Variants in PLAGL1 observed in about 807,000 individuals in gnomAD.
PLAGL1 encodes zinc finger protein PLAGL1.
In PLAGL1, 1 loss-of-function variant was observed where a neutral mutation model predicts 4.6. That is an observed-to-expected ratio of 0.22 (90% CI 0.08 to 1.03). The LOEUF (loss-of-function observed/expected upper bound fraction) is 1.03, where lower values mean the gene tolerates loss of function less well. Ranked by LOEUF, PLAGL1 falls within the 50% of genes least tolerant of loss-of-function variation. The pLI is 0.58. For synonymous variants in PLAGL1, 240 were observed against 237.8 expected (o/e 1.01, Z -0.08); for missense variants, 464 against 570.4 (o/e 0.81, Z 1.90).
rs1292149938 is a variant in PLAGL1 at position 143,970,608 on chromosome 6, G to C, written c.-543-1630C>G. Among the ~76,000 whole-genome samples, 2 of 152,158 alleles carry C rather than the reference G, an allele frequency of 1.3e-5. No homozygotes were observed. Among genetic ancestry groups the C allele is most frequent in the Non-Finnish European group, 2.9e-5 (2 of 68,032 alleles). On this transcript the variant is annotated intron_variant, in intron 2 of 7. Transcript: ENST00000674357. This position sits in a 1 kb window ranked among gnomAD's most constrained non-coding sequence, Gnocchi z 5.8. ...CTGCTTTATTTGGTCAGTCTGGGTG[G>C]ACGGGAAACTGTCTAAGAGGGAAAT...
rs1361455469 is a variant in PLAGL1, at chr6:143,949,221, C to T, written c.-324-761G>A. Among the ~76,000 whole-genome samples, 1 of 152,216 alleles carries T rather than the reference C, an allele frequency of 6.6e-6. No individual in the cohort carries two copies. The highest frequency in any genetic ancestry group is 1.5e-5 in the Non-Finnish European group (1 of 68,030). The stretch of plus-strand genomic sequence containing the variant: ...CATCCAGCTACCTGCTGGTAGGCCA[C>T]CTCCAGGAGATGGGCCTACTGCCTC... On this transcript the variant is annotated intron_variant, in intron 6 of 7. Transcript: ENST00000674357. This position sits in a 1 kb window ranked among gnomAD's most constrained non-coding sequence, Gnocchi z 5.3.
chr6:144,030,667 G>A (rs544239778), intron 1 of PLAGL1, among the ~76,000 whole-genome samples: 1 of 152,312 alleles, frequency 6.6e-6, no homozygotes, highest in East Asian at 1.9e-4. Flanking sequence ...TGCTGTGAAT[G>A]CCATTACTTC....
At chr6:143,986,493 C>G (rs1789198251) in intron 1 of PLAGL1, among the ~76,000 whole-genome samples, 1 of 152,072 alleles carries the variant, frequency 6.6e-6, no homozygotes, top group Non-Finnish European at 1.5e-5. Context: ...GTCAAGATTA[C>G]TCTTGAAAAA....
In PLAGL1 at chr6:144,055,871, A is replaced by G. The variant is rs1316760784; in HGVS notation, c.-151+8597T>C. 6.6e-6 allele frequency among the ~76,000 whole-genome samples: 1 copy of G among 152,244 alleles called. No individual in the cohort carries two copies. The highest frequency in any genetic ancestry group is 1.9e-4 in the East Asian group (1 of 5,204). The stretch of plus-strand genomic sequence containing the variant: ...GTACTACATTCACACACACAGAGAG[A>G]TTCATGTTCCACCTACATGACAGCC... On this transcript the variant is annotated intron_variant, in intron 1 of 3. Coordinates refer to the PLAGL1 transcript ENST00000437412. This position sits in a 1 kb window ranked among gnomAD's most constrained non-coding sequence, Gnocchi z 5.0.
At chr6:144,052,959 C>G (rs565521329) in intron 1 of PLAGL1, among the ~76,000 whole-genome samples, 6 of 152,234 alleles carry the variant, frequency 3.9e-5, no homozygotes, top group Admixed American at 2.0e-4. Context: ...GTATCATGAA[C>G]TGAGAAGACT....
chr6:144,014,057 A>C (rs1355433632), intron 1 of PLAGL1, among the ~76,000 whole-genome samples: 2 of 152,240 alleles, frequency 1.3e-5, no homozygotes, highest in African/African-American at 2.4e-5. Flanking sequence ...AAGAGAAAAA[A>C]TAATCTTAAA....
rs867908792 is a variant in PLAGL1 at position 144,027,111 on chromosome 6, C to A, written c.-151+37357G>T. On this transcript the variant is annotated intron_variant, in intron 1 of 3. Transcript: ENST00000437412. The surrounding 1 kb of genome is among the most constrained non-coding windows in gnomAD (Gnocchi z 5.8). ...CGGTGGCATGCATCTGTGATCCCAG[C>A]TACTCAGGAGGCTGAGGTGGGAGGA... Among the ~76,000 whole-genome samples, 1 of 151,898 alleles carries A rather than the reference C, an allele frequency of 6.6e-6. No homozygotes were observed. The highest frequency in any genetic ancestry group is 1.5e-5 in the Non-Finnish European group (1 of 67,992).
rs749016258 is a variant in PLAGL1, at chr6:144,015,226, G to A, written c.-150-46248C>T. On this transcript the variant is annotated intron_variant, in intron 1 of 3. Transcript: ENST00000437412. The surrounding 1 kb of genome is among the most constrained non-coding windows in gnomAD (Gnocchi z 4.3). The stretch of plus-strand genomic sequence containing the variant: ...TTAATTTTTATATTGATTACATGTT[G>A]AAATAATATTTTAGATATATTGCAT... Among the ~76,000 whole-genome samples, 6 of 152,098 alleles carry A rather than the reference G, an allele frequency of 3.9e-5. No homozygotes were observed. Among genetic ancestry groups the A allele is most frequent in the Non-Finnish European group, 8.8e-5 (6 of 68,010 alleles).
At position 144,004,074 on chromosome 6, in the gene PLAGL1, A is replaced by T. The variant is rs574170397; in HGVS notation, c.-584+4016T>A. Among the ~76,000 whole-genome samples, 56 of 152,344 alleles carry T rather than the reference A, an allele frequency of 3.7e-4. No individual in the cohort carries two copies. Among genetic ancestry groups the T allele is most frequent in the African/African-American group, 1.2e-3 (50 of 41,586 alleles). On this transcript the variant is annotated intron_variant, in intron 1 of 7. Coordinates refer to ENST00000674357, the MANE Select transcript of PLAGL1 (RefSeq NM_001317162.2). The surrounding 1 kb of genome is among the most constrained non-coding windows in gnomAD (Gnocchi z 4.2). ...GTAATACCGTAGAAGAGGTGTCAATAAATTTTTTTCTGTAAATGGCCACGT... is the reference window on the plus strand; with the variant it reads ...GTAATACCGTAGAAGAGGTGTCAATTAATTTTTTTCTGTAAATGGCCACGT...
In PLAGL1 at chr6:143,998,838, T is replaced by A. The variant is rs190719591; in HGVS notation, c.-584+9252A>T. On this transcript the variant is annotated intron_variant, in intron 1 of 7. Coordinates refer to ENST00000674357, the MANE Select transcript of PLAGL1 (RefSeq NM_001317162.2). ...GAACACAGCTGCAAAAGCAGGAGAG[T>A]GAAACCTTTAGGGGCTGATGCGTGG... Among the ~76,000 whole-genome samples, 445 of 151,556 alleles carry A rather than the reference T, an allele frequency of 2.9e-3. 2 individuals are homozygous for A. The highest frequency in any genetic ancestry group is 0.01 in the African/African-American group (426 of 41,240).
At chr6:144,001,527 A>T (rs1287168861) in intron 1 of PLAGL1, among the ~76,000 whole-genome samples, 3 of 152,116 alleles carry the variant, frequency 2.0e-5, no homozygotes, top group Non-Finnish European at 4.4e-5. Context: ...AGAGAAATAG[A>T]ATATTTGTAC....
Position 143,945,038 on chromosome 6 carries a change from C to T in PLAGL1, c.153-2375G>A, listed in dbSNP as rs1207202538. On this transcript the variant is annotated intron_variant, in intron 7 of 7. Coordinates refer to ENST00000674357, the MANE Select transcript of PLAGL1 (RefSeq NM_001317162.2). This position sits in a 1 kb window ranked among gnomAD's most constrained non-coding sequence, Gnocchi z 4.2. ...CAGTAGTACTTGAGCAAGACCACTG[C>T]CTTCCAGACTTCACTAGCTCCCACA... Among the ~76,000 whole-genome samples the T allele has an allele frequency of 2.0e-5, 3 of 152,108 alleles. No individual in the cohort carries two copies. The highest frequency in any genetic ancestry group is 4.4e-5 in the Non-Finnish European group (3 of 68,038).
In PLAGL1 at chr6:144,006,033, T is replaced by C. The variant is rs1364146699; in HGVS notation, c.-584+2057A>G. The C allele has an allele frequency of 1.3e-5, 2 of 152,170 alleles. No homozygotes were observed. The highest frequency in any genetic ancestry group is 6.5e-5 in the Admixed American group (1 of 15,280). 9.4% of individuals were successfully genotyped at this position (152,170 alleles called of 1,614,324 possible). ...TGTACAAAACATGTAAATGTGACTT[T>C]TGGGAAAGCAAACACACCAAATGAT... is the stretch of plus-strand genomic sequence containing the variant. On this transcript the variant is annotated intron_variant, in intron 1 of 7. Coordinates refer to ENST00000674357, the MANE Select transcript of PLAGL1 (RefSeq NM_001317162.2). The surrounding 1 kb of genome is among the most constrained non-coding windows in gnomAD (Gnocchi z 4.3).
chr6:144,006,202 C>T lies in PLAGL1; in HGVS notation c.-584+1888G>A, dbSNP rs1436066844. The stretch of plus-strand genomic sequence containing the variant: ...AATTCCCTAGGTACTCCTCCCTGAG[C>T]AAGATTTTTTTTTTCTAAAAAGAAG... On this transcript the variant is annotated intron_variant, in intron 1 of 7. Coordinates refer to ENST00000674357, the MANE Select transcript of PLAGL1 (RefSeq NM_001317162.2). This position sits in a 1 kb window ranked among gnomAD's most constrained non-coding sequence, Gnocchi z 4.3. 7.0e-6 allele frequency: 1 copy of T among 143,126 alleles called. No homozygotes were observed. Among genetic ancestry groups the T allele is most frequent in the Non-Finnish European group, 1.6e-5 (1 of 64,126 alleles). 8.9% of individuals were successfully genotyped at this position (143,126 alleles called of 1,614,324 possible).
At position 143,961,090 on chromosome 6, in the gene PLAGL1, TA is replaced by T. The variant is rs2128556085; in HGVS notation, c.-398-549del. 1 of 152,346 alleles carries T rather than the reference TA, an allele frequency of 6.6e-6. No individual in the cohort carries two copies. The highest frequency in any genetic ancestry group is 1.9e-4 in the East Asian group (1 of 5,188). 9.4% of individuals were successfully genotyped at this position (152,346 alleles called of 1,614,324 possible). On this transcript the variant is annotated intron_variant, in intron 5 of 7. Coordinates refer to ENST00000674357, the MANE Select transcript of PLAGL1 (RefSeq NM_001317162.2). The surrounding 1 kb of genome is among the most constrained non-coding windows in gnomAD (Gnocchi z 6.5). ...CATTAGAATCAGCATGGAAAACTTTTAAAAATACAGATTCCTGGGTGGCCAC... is the reference window on the plus strand; with the variant it reads ...CATTAGAATCAGCATGGAAAACTTTTAAAATACAGATTCCTGGGTGGCCAC...
Position 144,036,873 on chromosome 6 carries a change from C to T in PLAGL1, c.-151+27595G>A, listed in dbSNP as rs1797283759. The T allele has an allele frequency of 6.8e-6, 2 of 293,968 alleles. No individual in the cohort carries two copies. Among genetic ancestry groups the T allele is most frequent in the South Asian group, 7.3e-5 (2 of 27,406 alleles). 18.2% of individuals were successfully genotyped at this position (293,968 alleles called of 1,614,324 possible). A position where few individuals can be genotyped will look rare whatever the true frequency, so the allele number is the denominator to read the frequency against. Reference sequence around the variant, plus strand: ...GAAGGCCATCCCCTAATGGTTTGTTCTTGGTGTTGGACAAATCATAAAAGG... The same window carrying T: ...GAAGGCCATCCCCTAATGGTTTGTTTTTGGTGTTGGACAAATCATAAAAGG... On this transcript the variant is annotated intron_variant, in intron 1 of 3. Coordinates refer to the PLAGL1 transcript ENST00000437412. This position sits in a 1 kb window ranked among gnomAD's most constrained non-coding sequence, Gnocchi z 5.1.
At chr6:144,028,810 T>C (rs1303009669) in intron 1 of PLAGL1, among the ~76,000 whole-genome samples, 2 of 152,214 alleles carry the variant, frequency 1.3e-5, no homozygotes, top group South Asian at 4.1e-4. Flanking sequence ...ATATCATCCA[T>C]GATGCTGTAT....
Position 144,046,233 on chromosome 6 carries a change from A to T in PLAGL1, c.-151+18235T>A, listed in dbSNP as rs576400197. ...GTCCAGCTTTGTTCTGTTGCTGGCA[A>T]GGAGCTGTGATCCTTTGGAGGAGAA... On this transcript the variant is annotated intron_variant, in intron 1 of 3. Coordinates refer to the PLAGL1 transcript ENST00000437412. Among the ~76,000 whole-genome samples, 8 of 152,326 alleles carry T rather than the reference A, an allele frequency of 5.3e-5. No individual in the cohort carries two copies. In the South Asian group the frequency reaches 1.2e-3, roughly 24 times the overall value.
At position 143,976,285 on chromosome 6, in the gene PLAGL1, C is replaced by CTTTTTTT. The variant is rs58569870; in HGVS notation, c.-543-7314_-543-7308dup. On this transcript the variant is annotated intron_variant, in intron 2 of 7. Coordinates refer to ENST00000674357, the MANE Select transcript of PLAGL1 (RefSeq NM_001317162.2). ...CGCCCTTGAGCCTGAGATTTCTTTT[C>CTTTTTTT]TTTTTTTTTTTTTTTTTGGTGAATT... Among the ~76,000 whole-genome samples the CTTTTTTT allele has an allele frequency of 7.5e-4, 85 of 113,190 alleles. 1 individual carries two copies. The highest frequency in any genetic ancestry group is 1.8e-3 in the East Asian group (7 of 3,920). 74.3% of individuals were successfully genotyped at this position (113,190 alleles called of 152,430 possible). A position where few individuals can be genotyped will look rare whatever the true frequency, so the allele number is the denominator to read the frequency against.
Sources: allele counts gnomAD v4.1 joint callset (sites outside exome capture counted in the v4.1 genomes callset), GRCh38; gene constraint gnomAD v4.1.1; non-coding constraint Gnocchi (gnomAD v3.1); transcripts MANE v1.5; gene names NCBI Gene and HGNC (gene_info 2026-07-23, HGNC 2026-07-21).